The following PHLPP1 variants were observed in gnomAD, a reference collection of about 807,000 sequenced individuals.
PHLPP1 encodes PH domain and leucine rich repeat protein phosphatase 1.
PHLPP1 carries 42 observed loss-of-function variants against 117.2 expected under a neutral mutation model. The ratio of observed to expected loss-of-function variants is 0.36; its 90% CI spans 0.28 to 0.46. PHLPP1 has a LOEUF of 0.46. PHLPP1 is among the 20% of genes least tolerant of loss of function. The probability of loss-of-function intolerance (pLI) is 1.00; values close to 1 mark genes in which losing one functional copy is unlikely to be tolerated. For missense variants in PHLPP1, 2,084 were observed against 2,241.9 expected, an observed-to-expected ratio of 0.93 and a Z score of 1.42; for synonymous variants, 1,042 against 970.7, an observed-to-expected ratio of 1.07 and a Z score of -1.37.
At chr18:62,752,259 A>G (rs1180150044) in intron 1 of PHLPP1, among the ~76,000 whole-genome samples, 1 of 152,038 alleles carries the variant, frequency 6.6e-6, no homozygotes, top group Non-Finnish European at 1.5e-5. Context: ...CCGCGCCCCC[A>G]CCCAGTAAAG....
At chr18:62,738,335 G>T (rs944343819) in intron 1 of PHLPP1, among the ~76,000 whole-genome samples, 1 of 151,780 alleles carries the variant, frequency 6.6e-6, no homozygotes, top group Non-Finnish European at 1.5e-5. Context: ...CAGCCTGGGC[G>T]ACAAAGTGAG....
chr18:62,871,689 G>C (rs1207732964), intron 4 of PHLPP1, among the ~76,000 whole-genome samples: 2 of 146,074 alleles, frequency 1.4e-5, no homozygotes, highest in African/African-American at 5.1e-5. Context: ...CTGTCCCCCA[G>C]GCTGGAGTAC....
At chr18:62,931,205 A>AAACAAC (rs113705617) in intron 10 of PHLPP1, among the ~76,000 whole-genome samples, 144 of 148,516 alleles carry the variant, frequency 9.7e-4, no homozygotes, top group Middle Eastern at 3.5e-3. Context: ...TAAAAAAAAA[A>AAACAAC]AACAACAACA....
At position 62,814,490 on chromosome 18, in the gene PHLPP1, G is replaced by T. The variant is rs896221236; in HGVS notation, c.1577-15545G>T. Among the ~76,000 whole-genome samples the T allele has an allele frequency of 7.2e-5, 11 of 152,202 alleles. No homozygotes were observed. The East Asian group carries it at 2.1e-3, about 29-fold the overall frequency. On this transcript the variant is annotated intron_variant, in intron 1 of 16. Coordinates refer to ENST00000262719, the MANE Select transcript of PHLPP1 (RefSeq NM_194449.4). ...GCAAGTAATTTAATTCATTCTTTCT[G>T]TCACTGGTCATAGTGAAGAAGGATT...
chr18:62,743,009 C>G (rs1911574987), intron 1 of PHLPP1, among the ~76,000 whole-genome samples: 1 of 152,082 alleles, frequency 6.6e-6, no homozygotes, highest in Non-Finnish European at 1.5e-5. Context: ...AGTTGGAATA[C>G]AGCATTCTAA....
intron 1 of PHLPP1, among the ~76,000 whole-genome samples, chr18:62,816,179 A>C (rs189740342): frequency 6.2e-4 from 95 of 152,320 alleles, no homozygotes; most frequent in Non-Finnish European, 1.2e-4. Context: ...TGGAAGTTGA[A>C]AAGAGTACAA....
intron 1 of PHLPP1, among the ~76,000 whole-genome samples, chr18:62,798,099 G>C (rs746888655): frequency 5.3e-5 from 8 of 152,144 alleles, no homozygotes; most frequent in Non-Finnish European, 8.8e-5. Flanking sequence ...GCATGCATCA[G>C]AATCACCTAG....
At chr18:62,849,600 A>C (rs865993981) in intron 3 of PHLPP1, among the ~76,000 whole-genome samples, 2 of 148,334 alleles carry the variant, frequency 1.3e-5, no homozygotes, top group South Asian at 4.3e-4. Context: ...GGCGAAGCCA[A>C]GATCGCACCA....
chr18:62,732,768 C>A (rs757626530), intron 1 of PHLPP1, among the ~76,000 whole-genome samples: 1 of 152,166 alleles, frequency 6.6e-6, no homozygotes, highest in Non-Finnish European at 1.5e-5. Flanking sequence ...GGGAGGAGAA[C>A]CTCCATTAAC....
intron 1 of PHLPP1, among the ~76,000 whole-genome samples, chr18:62,808,661 C>T (rs1422001735): frequency 6.6e-6 from 1 of 151,814 alleles, no homozygotes; most frequent in Admixed American, 6.6e-5. Context: ...AAGCGATTCT[C>T]CTGCCTCAGC....
At chr18:62,869,011 G>A (rs1244470268) in intron 4 of PHLPP1, among the ~76,000 whole-genome samples, 1 of 152,212 alleles carries the variant, frequency 6.6e-6, no homozygotes, top group African/African-American at 2.4e-5. Context: ...AGATGAAGAA[G>A]AATCATTGAG....
At chr18:62,874,695 T>A (rs112066041) in intron 4 of PHLPP1, among the ~76,000 whole-genome samples, 55 of 142,070 alleles carry the variant, frequency 3.9e-4, no homozygotes, top group African/African-American at 1.7e-3. Context: ...ACACACACTC[T>A]CGCTCTCTGT....
chr18:62,951,465 G>T (rs140773369), intron 12 of PHLPP1, among the ~76,000 whole-genome samples: 1 of 152,108 alleles, frequency 6.6e-6, no homozygotes, highest in Admixed American at 6.5e-5. Flanking sequence ...CTTTAGAGAG[G>T]CTTCTGGAGA....
chr18:62,967,882 T>A (rs1910948390), intron 14 of PHLPP1, among the ~76,000 whole-genome samples: 1 of 151,984 alleles, frequency 6.6e-6, no homozygotes, highest in Admixed American at 6.6e-5. Flanking sequence ...TGGAGTGCAA[T>A]GGCACGATCT....
At chr18:62,797,031 G>GAT (rs1913648112) in intron 1 of PHLPP1, among the ~76,000 whole-genome samples, 1 of 152,142 alleles carries the variant, frequency 6.6e-6, no homozygotes, top group Non-Finnish European at 1.5e-5. Context: ...GTGAGATACA[G>GAT]ATATCTGATT....
intron 4 of PHLPP1, among the ~76,000 whole-genome samples, chr18:62,873,471 A>G (rs1915960661): frequency 6.6e-6 from 1 of 152,252 alleles, no homozygotes. Flanking sequence ...ATAGAAATTT[A>G]TTATAATGTT....
Position 62,860,465 on chromosome 18 carries a change from C to G in PHLPP1, c.1930C>G (p.Leu644Val), listed in dbSNP as rs1343366714. 3.7e-6 allele frequency: 6 copies of G among 1,613,838 alleles called. No homozygotes were observed. The Admixed American group carries it at 5.0e-5, about 13-fold the overall frequency. The change falls in exon 4 of 17, where the codon CTC (leucine) becomes GTC (valine). Residue 644 changes from leucine (L) to valine (V), a missense_variant. Physicochemically the swap from Leu to Val is conservative, Grantham distance 32. Coordinates refer to ENST00000262719, the MANE Select transcript of PHLPP1 (RefSeq NM_194449.4). ...ATCCCAGCGCATTAGCTCAGTGGAC[C>G]TCTCGTGTTGTAGCCTGGAACATCT... is the stretch of plus-strand genomic sequence containing the variant. The part of the protein sequence containing the change: ...VASQRISSVD[L>V]SCCSLEHLPA...
At chr18:62,972,456 GCTGGGC>G in intron 14 of PHLPP1, 52 bp from the exon 15 acceptor site, 1 of 1,489,600 alleles carries the variant, frequency 6.7e-7, no homozygotes, top group Non-Finnish European at 9.2e-7. Context: ...TAAGCACTGG[GCTGGGC>G]CTGGAGCAGG....
At chr18:62,919,017 G>C (rs2144424291) in intron 9 of PHLPP1, among the ~76,000 whole-genome samples, 1 of 152,298 alleles carries the variant, frequency 6.6e-6, no homozygotes, top group South Asian at 2.1e-4. Flanking sequence ...TTGTGAGTGA[G>C]ATCAGAATGG....
Sources: allele counts gnomAD v4.1 joint callset (sites outside exome capture counted in the v4.1 genomes callset), GRCh38; gene constraint gnomAD v4.1.1; transcripts MANE v1.5; gene names NCBI Gene and HGNC (gene_info 2026-07-23, HGNC 2026-07-21).